PRKN: variants seen among roughly 807,000 people sequenced by gnomAD.
PRKN encodes E3 ubiquitin-protein ligase parkin.
Under a neutral mutation model 59.5 loss-of-function variants are expected in PRKN, and 56 were observed. That is an observed-to-expected ratio of 0.94 (90% CI 0.76 to 1.18). PRKN has a LOEUF of 1.18. Ranked by LOEUF, PRKN falls within the 50% of genes most tolerant of loss-of-function variation. The probability of loss-of-function intolerance (pLI) is 0.00; values close to 1 mark genes in which losing one functional copy is unlikely to be tolerated. For missense variants in PRKN, 657 were observed against 596.4 expected, an observed-to-expected ratio of 1.10 and a Z score of -1.06; for synonymous variants, 250 against 222.1, an observed-to-expected ratio of 1.13 and a Z score of -1.12.
chr6:161,841,249 G>C (rs1211207038), intron 6 of PRKN, among the ~76,000 whole-genome samples: 6 of 152,140 alleles, frequency 3.9e-5, no homozygotes, highest in Admixed American at 6.5e-5. Flanking sequence ...GGTTAAGAGG[G>C]AATGAGCATA....
At position 161,561,036 on chromosome 6, in the gene PRKN, C is replaced by G. The variant is rs1780437622; in HGVS notation, c.933+8319G>C. On this transcript the variant is annotated intron_variant, in intron 8 of 11. Transcript: ENST00000366898. This position sits in a 1 kb window ranked among gnomAD's most constrained non-coding sequence, Gnocchi z 5.0. ...TGACTTTCTCTTAAATAATGGACCACAAACTTCAAATGGGCATTTACAACT... is the reference window on the plus strand; with the variant it reads ...TGACTTTCTCTTAAATAATGGACCAGAAACTTCAAATGGGCATTTACAACT... Among the ~76,000 whole-genome samples, 1 of 152,158 alleles carries G rather than the reference C, an allele frequency of 6.6e-6. No homozygotes were observed. Among genetic ancestry groups the G allele is most frequent in the Admixed American group, 6.5e-5 (1 of 15,282 alleles).
At chr6:162,652,711 G>A (rs1778492290) in intron 1 of PRKN, among the ~76,000 whole-genome samples, 1 of 151,898 alleles carries the variant, frequency 6.6e-6, no homozygotes, top group Admixed American at 6.6e-5. Context: ...AGGCTGAGGT[G>A]GAAAGACTGC....
At position 161,429,942 on chromosome 6, in the gene PRKN, G is replaced by A. The variant is rs540758347; in HGVS notation, c.1084-43065C>T. On this transcript the variant is annotated intron_variant, in intron 9 of 11. Coordinates refer to ENST00000366898, the MANE Select transcript of PRKN (RefSeq NM_004562.3). This position sits in a 1 kb window ranked among gnomAD's most constrained non-coding sequence, Gnocchi z 4.2. Reference sequence around the variant, plus strand: ...GCCAGGAGAAGACCAGAGGTTCCTGGGTCAGAGACAAAGGACCATGCATTA... The same window carrying A: ...GCCAGGAGAAGACCAGAGGTTCCTGAGTCAGAGACAAAGGACCATGCATTA... Among the ~76,000 whole-genome samples the A allele has an allele frequency of 2.6e-5, 4 of 152,230 alleles. No homozygotes were observed. In the South Asian group the frequency reaches 8.3e-4, roughly 32 times the overall value.
At chr6:161,721,625 A>C (rs1787225146) in intron 7 of PRKN, among the ~76,000 whole-genome samples, 1 of 152,258 alleles carries the variant, frequency 6.6e-6, no homozygotes, top group Admixed American at 6.5e-5. Context: ...AATGGATTTT[A>C]TGGACGCACC....
intron 4 of PRKN, among the ~76,000 whole-genome samples, chr6:162,199,112 C>T (rs748792827): frequency 1.7e-4 from 26 of 152,154 alleles, no homozygotes; most frequent in Admixed American, 1.3e-4. Context: ...CCACTACTGT[C>T]CTCACCGCCC....
At position 162,596,626 on chromosome 6, in the gene PRKN, A is replaced by G. The variant is rs188248800; in HGVS notation, c.7+131036T>C. Among the ~76,000 whole-genome samples the G allele has an allele frequency of 2.0e-4, 30 of 152,308 alleles. 1 individual carries two copies. Among genetic ancestry groups the G allele is most frequent in the South Asian group, 6.2e-4 (3 of 4,832 alleles). ...AATGTTCCTGTAGTGTGAATTTTCTACCATAAAAGAAAATGCACACATTTT... is the reference window on the plus strand; with the variant it reads ...AATGTTCCTGTAGTGTGAATTTTCTGCCATAAAAGAAAATGCACACATTTT... On this transcript the variant is annotated intron_variant, in intron 1 of 11. Coordinates refer to ENST00000366898, the MANE Select transcript of PRKN (RefSeq NM_004562.3).
At chr6:162,691,991 TAA>T (rs66484144) in intron 1 of PRKN, among the ~76,000 whole-genome samples, 2 of 149,350 alleles carry the variant, frequency 1.3e-5, no homozygotes, top group South Asian at 2.1e-4. Context: ...ATGCACAGAT[TAA>T]AAAAAAAAAT....
chr6:162,118,358 A>G (rs1344495157), intron 4 of PRKN, among the ~76,000 whole-genome samples: 1 of 152,094 alleles, frequency 6.6e-6, no homozygotes, highest in Non-Finnish European at 1.5e-5. Flanking sequence ...GTGAGCCGAG[A>G]ACGCGCCACT....
At position 161,703,857 on chromosome 6, in the gene PRKN, T is replaced by C. The variant is rs1289948758; in HGVS notation, c.871+81915A>G. On this transcript the variant is annotated intron_variant, in intron 7 of 11. Coordinates refer to ENST00000366898, the MANE Select transcript of PRKN (RefSeq NM_004562.3). The stretch of plus-strand genomic sequence containing the variant: ...TCTCTCTCTTTTTTTTTTTTTTTTT[T>C]TTTTTTTTTTTTTTTTTTTACAGAG... Among the ~76,000 whole-genome samples, 16 of 123,606 alleles carry C rather than the reference T, an allele frequency of 1.3e-4. 1 individual carries two copies. Among genetic ancestry groups the C allele is most frequent in the East Asian group, 8.9e-4 (4 of 4,504 alleles). The allele number at this position is 123,606 out of a possible 152,430, so 81.1% of individuals were successfully genotyped here. A position where few individuals can be genotyped will look rare whatever the true frequency, so the allele number is the denominator to read the frequency against.
At chr6:161,711,697 G>A (rs1432769700) in intron 7 of PRKN, among the ~76,000 whole-genome samples, 1 of 152,152 alleles carries the variant, frequency 6.6e-6, no homozygotes, top group East Asian at 1.9e-4. Context: ...CCCTCAACCT[G>A]GGTGGGCACC....
chr6:161,786,270 TATTACACC>T (rs1790416325), intron 6 of PRKN, among the ~76,000 whole-genome samples: 1 of 152,212 alleles, frequency 6.6e-6, no homozygotes. Flanking sequence ...ATTGATCCGT[TATTACACC>T]ACAGTATTCA....
intron 4 of PRKN, among the ~76,000 whole-genome samples, chr6:162,160,650 T>G (rs1261886131): frequency 1.3e-5 from 2 of 151,204 alleles, no homozygotes; most frequent in Non-Finnish European, 3.0e-5. Context: ...TCTGCATGTG[T>G]GAGAGAGAAA....
At chr6:161,557,756 CT>C (rs1198974803) in intron 8 of PRKN, among the ~76,000 whole-genome samples, 2 of 152,200 alleles carry the variant, frequency 1.3e-5, no homozygotes, top group Admixed American at 6.5e-5. Flanking sequence ...GGCACATGTT[CT>C]GTCAAAATGA....
intron 5 of PRKN, among the ~76,000 whole-genome samples, chr6:161,993,897 C>T (rs900708189): frequency 6.6e-6 from 1 of 152,096 alleles, no homozygotes; most frequent in African/African-American, 2.4e-5. Context: ...GGTGAAGGTG[C>T]CAGGCTCTTT....
intron 1 of PRKN, among the ~76,000 whole-genome samples, chr6:162,650,896 A>T (rs1778403585): frequency 1.3e-5 from 2 of 152,182 alleles, no homozygotes; most frequent in African/African-American, 4.8e-5. Flanking sequence ...GGGTGTGACA[A>T]CTGTTTCAGA....
At chr6:162,685,882 C>T (rs918597792) in intron 1 of PRKN, among the ~76,000 whole-genome samples, 1 of 152,082 alleles carries the variant, frequency 6.6e-6, no homozygotes, top group African/African-American at 2.4e-5. Context: ...GGTCAGTCTG[C>T]GTGTGTCTCT....
At chr6:162,026,512 C>T (rs1265832781) in intron 5 of PRKN, among the ~76,000 whole-genome samples, 3 of 152,162 alleles carry the variant, frequency 2.0e-5, no homozygotes, top group African/African-American at 7.2e-5. Context: ...CACTTTCAGC[C>T]ACCTCAACTT....
At chr6:162,198,534 A>G (rs947934760) in intron 4 of PRKN, among the ~76,000 whole-genome samples, 9 of 150,726 alleles carry the variant, frequency 6.0e-5, no homozygotes, top group Non-Finnish European at 1.2e-4. Flanking sequence ...ATTTCTAAAT[A>G]TTTATGTTCT....
In PRKN at chr6:162,580,815, G is replaced by A. The variant is rs557330867; in HGVS notation, c.8-137342C>T. Among the ~76,000 whole-genome samples, 14 of 152,290 alleles carry A rather than the reference G, an allele frequency of 9.2e-5. No individual in the cohort carries two copies. In the South Asian group the frequency reaches 2.9e-3, roughly 32 times the overall value. The stretch of plus-strand genomic sequence containing the variant: ...GGCTGATCAATCTGAGGCTCCATCA[G>A]TGCTCCCTCTGCTGTAGAATCCTGA... On this transcript the variant is annotated intron_variant, in intron 1 of 11. Coordinates refer to ENST00000366898, the MANE Select transcript of PRKN (RefSeq NM_004562.3).
Sources: gnomAD v4.1 joint callset for allele counts (sites outside exome capture counted in the v4.1 genomes callset) on GRCh38, gnomAD v4.1.1 for gene constraint, Gnocchi (gnomAD v3.1) non-coding constraint, MANE v1.5 for transcripts, NCBI Gene and HGNC (gene_info 2026-07-23, HGNC 2026-07-21) for gene names.